Variants in TRPS1 observed in about 807,000 individuals in gnomAD.
TRPS1 encodes the protein zinc finger transcription factor Trps1.
TRPS1 carries 6 observed loss-of-function variants against 101.2 expected under a neutral mutation model. That is an observed-to-expected ratio of 0.06 (90% CI 0.03 to 0.12). TRPS1 has a LOEUF of 0.12. Among genes scored for constraint, TRPS1 ranks in the 10% least tolerant of loss-of-function variants. TRPS1 has a pLI of 1.00. For missense variants in TRPS1, 1,363 were observed against 1,567.0 expected, an observed-to-expected ratio of 0.87 and a Z score of 2.20; for synonymous variants, 578 against 589.8, an observed-to-expected ratio of 0.98 and a Z score of 0.29.
intron 5 of TRPS1, among the ~76,000 whole-genome samples, chr8:115,433,555 G>T (rs1051624998): frequency 6.6e-6 from 1 of 152,062 alleles, no homozygotes; most frequent in Non-Finnish European, 1.5e-5. Flanking sequence ...TTTAAGTCAT[G>T]ATTTCTACCG....
At chr8:115,641,120 C>T (rs1252658706) in intron 1 of TRPS1, among the ~76,000 whole-genome samples, 2 of 152,206 alleles carry the variant, frequency 1.3e-5, no homozygotes, top group Non-Finnish European at 2.9e-5. Context: ...TACACCGACA[C>T]TGTCACATTA....
chr8:115,518,716 G>A (rs946568933), intron 5 of TRPS1, among the ~76,000 whole-genome samples: 19 of 151,924 alleles, frequency 1.3e-4, no homozygotes, highest in African/African-American at 4.6e-4. Context: ...TAAAGTTAAA[G>A]AAACTCTGTA....
intron 5 of TRPS1, among the ~76,000 whole-genome samples, chr8:115,532,536 A>G (rs1586371498): frequency 6.6e-6 from 1 of 152,292 alleles, no homozygotes; most frequent in East Asian, 1.9e-4. Flanking sequence ...CCATTTTAGA[A>G]AGATCAGTAA....
intron 1 of TRPS1, among the ~76,000 whole-genome samples, chr8:115,666,060 C>G (rs1027907728): frequency 6.6e-6 from 1 of 152,138 alleles, no homozygotes; most frequent in African/African-American, 2.4e-5. Flanking sequence ...TATTAAGGCT[C>G]TATTTGCCCC....
chr8:115,431,929 T>C (rs1393806319), intron 5 of TRPS1, among the ~76,000 whole-genome samples: 1 of 151,918 alleles, frequency 6.6e-6, no homozygotes, highest in East Asian at 1.9e-4. Context: ...TTTATAAATA[T>C]ATATGCATGC....
At chr8:115,627,377 A>T (rs1262642134) in intron 1 of TRPS1, among the ~76,000 whole-genome samples, 2 of 151,790 alleles carry the variant, frequency 1.3e-5, no homozygotes, top group Non-Finnish European at 3.0e-5. Context: ...GTTGATTCAC[A>T]TAGGCCAATC....
At chr8:115,668,175 T>A (rs1811974505) in intron 1 of TRPS1, 5 of 537,850 alleles carry the variant, frequency 9.3e-6, no homozygotes, top group Non-Finnish European at 1.7e-5. Flanking sequence ...GTCGCTGGTT[T>A]CCAAAGCTCA....
intron 5 of TRPS1, among the ~76,000 whole-genome samples, chr8:115,524,765 TG>T (rs1470586786): frequency 3.9e-5 from 6 of 152,092 alleles, no homozygotes; most frequent in African/African-American, 1.4e-4. Flanking sequence ...GGAGCTTCTT[TG>T]AAAAAAAATC....
At chr8:115,581,600 T>C (rs187603736) in intron 5 of TRPS1, among the ~76,000 whole-genome samples, 45 of 152,192 alleles carry the variant, frequency 3.0e-4, no homozygotes, top group Admixed American at 2.5e-3. Flanking sequence ...AGAAATTAGA[T>C]TGCTTAAAAA....
chr8:115,453,409 G>T (rs958926638), intron 5 of TRPS1, among the ~76,000 whole-genome samples: 2 of 152,156 alleles, frequency 1.3e-5, no homozygotes, highest in Non-Finnish European at 2.9e-5. Flanking sequence ...ACAAAATTCT[G>T]TCCACAATAG....
At chr8:115,421,913 A>C (rs1813072336) in intron 5 of TRPS1, among the ~76,000 whole-genome samples, 1 of 152,212 alleles carries the variant, frequency 6.6e-6, no homozygotes, top group East Asian at 1.9e-4. Flanking sequence ...GCCTGTTACC[A>C]AAGGAACGCA....
rs1812802750 is a variant in TRPS1 at position 115,412,058 on chromosome 8, T to C, written c.*1965A>G. ...GCAAAAAAAAATCAGCGTTGCAGAT[T>C]CCAGCAACACTTATCAAAATAATTT... On this transcript the variant is annotated 3_prime_UTR_variant, in exon 7 of 7. Coordinates refer to ENST00000395715, the MANE Select transcript of TRPS1 (RefSeq NM_014112.5). 6.6e-6 allele frequency: 1 copy of C among 152,316 alleles called. No homozygotes were observed. The highest frequency in any genetic ancestry group is 2.1e-4 in the South Asian group (1 of 4,826). The allele number at this position is 152,316 out of a possible 1,614,324, so 9.4% of individuals were successfully genotyped here.
chr8:115,624,778 C>G (rs1818468838), intron 1 of TRPS1, among the ~76,000 whole-genome samples: 1 of 151,696 alleles, frequency 6.6e-6, no homozygotes, highest in Non-Finnish European at 1.5e-5. Context: ...ATAATTCTAA[C>G]TATTTTATCT....
At chr8:115,606,436 T>C (rs1005098501) in intron 3 of TRPS1, among the ~76,000 whole-genome samples, 1 of 152,168 alleles carries the variant, frequency 6.6e-6, no homozygotes, top group African/African-American at 2.4e-5. Context: ...TACATTAAGA[T>C]AGGATCTTAC....
intron 5 of TRPS1, among the ~76,000 whole-genome samples, chr8:115,494,260 G>A (rs961418584): frequency 2.6e-5 from 4 of 152,160 alleles, no homozygotes; most frequent in Admixed American, 6.5e-5. Context: ...ACACATTCCA[G>A]GGCAGCGGTG....
chr8:115,574,990 T>A (rs1037123731), intron 5 of TRPS1, among the ~76,000 whole-genome samples: 2 of 152,246 alleles, frequency 1.3e-5, no homozygotes, highest in Non-Finnish European at 2.9e-5. Context: ...AGCCAAGAAA[T>A]AATACTGTTT....
chr8:115,509,035 T>C (rs192553187), intron 5 of TRPS1, among the ~76,000 whole-genome samples: 163 of 152,052 alleles, frequency 1.1e-3, no homozygotes, highest in Non-Finnish European at 2.0e-3. Context: ...GCCAATCAAA[T>C]ACTCTCCCTT....
chr8:115,558,305 C>A (rs527938494), intron 5 of TRPS1, among the ~76,000 whole-genome samples: 1 of 152,078 alleles, frequency 6.6e-6, no homozygotes, highest in South Asian at 2.1e-4. Flanking sequence ...TGAAATAAAG[C>A]TAAAATCTCC....
Position 115,620,041 on chromosome 8 carries a change from G to C in TRPS1, c.57C>G (p.Asn19Lys), listed in dbSNP as rs548410872. The C allele has an allele frequency of 6.2e-7, 1 of 1,614,002 alleles. No homozygotes were observed. The highest frequency in any genetic ancestry group is 1.3e-5 in the African/African-American group (1 of 74,914). ...YDFTNMVRKKNPPLRNVASEG... is the reference protein window; with the variant it reads ...YDFTNMVRKKKPPLRNVASEG... ...CACTTGCAACGTTTCTCAGAGGGGG[G>C]TTCTTTTTCCGGACCATATCTGCAA... is the stretch of plus-strand genomic sequence containing the variant. The change falls in exon 3 of 7, where the codon AAC becomes AAG. Residue 19 changes from asparagine to lysine, a missense_variant. Physicochemically the swap from Asn to Lys is moderately conservative, Grantham distance 94. Coordinates refer to ENST00000395715, the MANE Select transcript of TRPS1 (RefSeq NM_014112.5).
Sources: gnomAD v4.1 joint callset for allele counts (sites outside exome capture counted in the v4.1 genomes callset) on GRCh38, gnomAD v4.1.1 for gene constraint, MANE v1.5 for transcripts, NCBI Gene and HGNC (gene_info 2026-07-23, HGNC 2026-07-21) for gene names.